Variants in JPH3 observed in about 807,000 individuals in gnomAD.
JPH3 encodes junctophilin-3.
In JPH3, 11 loss-of-function variants were observed where a neutral mutation model predicts 59.6. That is an observed-to-expected ratio of 0.18 (90% confidence interval 0.12 to 0.31). JPH3 has a LOEUF of 0.31. Among genes scored for constraint, JPH3 ranks in the 10% least tolerant of loss-of-function variants. The pLI is 1.00. For missense variants in JPH3, 1,202 were observed against 1,105.7 expected (o/e 1.09, Z -1.24); for synonymous variants, 673 against 483.6 (o/e 1.39, Z -5.14).
chr16:87,663,126 T>TTTTA (rs397787865), intron 2 of JPH3, among the ~76,000 whole-genome samples: 1 of 151,768 alleles, frequency 6.6e-6, no homozygotes, highest in Non-Finnish European at 1.5e-5. Flanking sequence ...TTTTTTTTTT[T>TTTTA]GAGATGGAGT....
chr16:87,617,664 G>C (rs564376495), intron 1 of JPH3, among the ~76,000 whole-genome samples: 12 of 152,276 alleles, frequency 7.9e-5, no homozygotes, highest in Non-Finnish European at 1.6e-4. Context: ...TGGTAGGGCA[G>C]AGGCCAGGAG....
At chr16:87,627,172 C>T (rs1320288508) in intron 1 of JPH3, among the ~76,000 whole-genome samples, 1 of 152,150 alleles carries the variant, frequency 6.6e-6, no homozygotes, top group Non-Finnish European at 1.5e-5. Flanking sequence ...AGCCTCTTTG[C>T]CCTAGAGCCG....
intron 1 of JPH3, among the ~76,000 whole-genome samples, chr16:87,622,474 A>AG (rs916626806): frequency 6.7e-6 from 1 of 148,282 alleles, no homozygotes; most frequent in African/African-American, 2.4e-5. Context: ...TTGGCTGCAG[A>AG]GGGGCGTGCA....
At chr16:87,645,867 G>A (rs369600212) in intron 2 of JPH3, among the ~76,000 whole-genome samples, 33 of 152,332 alleles carry the variant, frequency 2.2e-4, no homozygotes, top group African/African-American at 7.2e-4. Flanking sequence ...GGAAAGCCAC[G>A]GGCCCCACAG....
In JPH3 at chr16:87,670,655, G is replaced by T. The variant is rs1356265518; in HGVS notation, c.1161-13487G>T. Among the ~76,000 whole-genome samples, 3 of 152,386 alleles carry T rather than the reference G, an allele frequency of 2.0e-5. No individual in the cohort carries two copies. The East Asian group carries it at 5.8e-4, about 29-fold the overall frequency. ...CCACACACTGCGGATGGGACGCAGG[G>T]TACCGCACAGCCCCGGTCCTCAGGG... On this transcript the variant is annotated intron_variant, in intron 2 of 4. Transcript: ENST00000284262.
chr16:87,650,201 C>T (rs1021919870), intron 2 of JPH3, among the ~76,000 whole-genome samples: 7 of 152,252 alleles, frequency 4.6e-5, no homozygotes, highest in African/African-American at 1.7e-4. Flanking sequence ...TGGTAATTCT[C>T]ACGGTATTTC....
At position 87,611,737 on chromosome 16, in the gene JPH3, C is replaced by T. The variant is rs964996954; in HGVS notation, c.382+8209C>T. 6.6e-6 allele frequency among the ~76,000 whole-genome samples: 1 copy of T among 152,190 alleles called. No individual in the cohort carries two copies. Among genetic ancestry groups the T allele is most frequent in the Non-Finnish European group, 1.5e-5 (1 of 68,030 alleles). ...CAGATTTCCAGCCCCACCCCTGAGT[C>T]TCTGGGCCTGGGATGCCACCCAAGA... On this transcript the variant is annotated intron_variant, in intron 1 of 4. Coordinates refer to ENST00000284262, the MANE Select transcript of JPH3 (RefSeq NM_020655.4). This position sits in a 1 kb window ranked among gnomAD's most constrained non-coding sequence, Gnocchi z 4.5.
chr16:87,603,002 G>C lies in JPH3; in HGVS notation c.-145G>C. On this transcript the variant is annotated 5_prime_UTR_variant, in exon 1 of 5. Transcript: ENST00000284262. Reference sequence around the variant, plus strand: ...TCCGGAGCCGGCGCCGCGGCCGCCCGCGCCCGAGACCGCGCTCCGGGGCCG... The same window carrying C: ...TCCGGAGCCGGCGCCGCGGCCGCCCCCGCCCGAGACCGCGCTCCGGGGCCG... 24 of 885,776 alleles carry C rather than the reference G, an allele frequency of 2.7e-5. No individual in the cohort carries two copies. Among genetic ancestry groups the C allele is most frequent in the East Asian group, 6.6e-5 (2 of 30,438 alleles). The allele number at this position is 885,776 out of a possible 1,614,324, so 54.9% of individuals were successfully genotyped here.
chr16:87,690,638 G>A, intron 4 of JPH3, 112 bp downstream of exon 4: 3 of 1,183,532 alleles, frequency 2.5e-6, no homozygotes, highest in Non-Finnish European at 3.3e-6. Flanking sequence ...TTCCTCTCCA[G>A]GGGTGGAGTA....
At position 87,603,450 on chromosome 16, in the gene JPH3, G is replaced by A. The variant is rs1262298059; in HGVS notation, c.304G>A (p.Gly102Ser). 1 of 1,565,314 alleles carries A rather than the reference G, an allele frequency of 6.4e-7. No individual in the cohort carries two copies. The highest frequency in any genetic ancestry group is 1.9e-5 in the Admixed American group (1 of 52,176). The change falls in exon 1 of 5, where the codon GGC (glycine) becomes AGC (serine). Residue 102 changes from glycine (G) to serine (S), a missense_variant. Coordinates refer to ENST00000284262, the MANE Select transcript of JPH3 (RefSeq NM_020655.4). ...KGRYGVRECA[G>S]NGAKYEGTWS... ...GCGCTACGGGGTGCGGGAGTGCGCG[G>A]GCAACGGGGCCAAATACGAAGGGAC...
At chr16:87,620,450 GAGAAGGA>G (rs2031133592) in intron 1 of JPH3, among the ~76,000 whole-genome samples, 2 of 135,224 alleles carry the variant, frequency 1.5e-5, no homozygotes, top group Admixed American at 1.5e-4. Flanking sequence ...GAGAGAGAGA[GAGAAGGA>G]GAGAGAGGGA....
rs562752600 is a variant in JPH3 at position 87,626,374 on chromosome 16, C to T, written c.383-17884C>T. On this transcript the variant is annotated intron_variant, in intron 1 of 4. Coordinates refer to ENST00000284262, the MANE Select transcript of JPH3 (RefSeq NM_020655.4). ...GCACACAACTCCCACCCGCCTGCCT[C>T]TCTCCGACCGCGAGTCCTCCAGGAG... 5.9e-5 allele frequency among the ~76,000 whole-genome samples: 9 copies of T among 152,334 alleles called. No individual in the cohort carries two copies. In the East Asian group the frequency reaches 1.5e-3, roughly 26 times the overall value.
Position 87,689,773 on chromosome 16 carries a change from C to A in JPH3, c.1413C>A (p.Thr471=). The A allele has an allele frequency of 1.2e-6, 2 of 1,610,210 alleles. No homozygotes were observed. The highest frequency in any genetic ancestry group is 1.1e-5 in the South Asian group (1 of 90,882). ...AGGGCACCACTCCCTCCGACCTGAC[C>A]CCCGACGACAGCCCCCTGCAGAGCT... ...YRKGTTPSDL[T]PDDSPLQSFP... The change falls in exon 4 of 5, where the codon ACC becomes ACA. Residue 471 remains threonine, a synonymous_variant. Transcript: ENST00000284262.
intron 4 of JPH3, chr16:87,694,156 G>A (rs1239708454): frequency 1.3e-5 from 2 of 152,328 alleles, no homozygotes; most frequent in Admixed American, 6.5e-5. Context: ...AACTGGACCA[G>A]GAGGAGGAGG....
chr16:87,658,717 A>C (rs1421081743), intron 2 of JPH3, among the ~76,000 whole-genome samples: 1 of 152,192 alleles, frequency 6.6e-6, no homozygotes, highest in Non-Finnish European at 1.5e-5. Flanking sequence ...ACCCCCCTGC[A>C]GTGGGTGGTC....
chr16:87,610,547 T>C (rs1488420805), intron 1 of JPH3, among the ~76,000 whole-genome samples: 1 of 152,140 alleles, frequency 6.6e-6, no homozygotes, highest in East Asian at 1.9e-4. Context: ...ATTTGGTAAT[T>C]TTGTTTACCG....
intron 1 of JPH3, among the ~76,000 whole-genome samples, chr16:87,622,922 C>T (rs1344234782): frequency 6.6e-6 from 1 of 152,120 alleles, no homozygotes; most frequent in Non-Finnish European, 1.5e-5. Flanking sequence ...GCCCTGGGGT[C>T]CCAGGGTCTC....
chr16:87,645,095 G>T, intron 2 of JPH3, 60 bp downstream of exon 2: 2 of 1,518,196 alleles, frequency 1.3e-6, no homozygotes, highest in Non-Finnish European at 1.8e-6. Flanking sequence ...TGTGAGCCCA[G>T]TCTGTTCAGT....
intron 2 of JPH3, among the ~76,000 whole-genome samples, chr16:87,668,929 C>T (rs963821169): frequency 3.9e-5 from 6 of 152,156 alleles, no homozygotes; most frequent in African/African-American, 7.2e-5. Flanking sequence ...TCCTCTCCCT[C>T]GCCTCCACGT....
Sources: gnomAD v4.1 joint callset for allele counts (sites outside exome capture counted in the v4.1 genomes callset) on GRCh38, gnomAD v4.1.1 for gene constraint, Gnocchi (gnomAD v3.1) non-coding constraint, MANE v1.5 for transcripts, NCBI Gene and HGNC (gene_info 2026-07-23, HGNC 2026-07-21) for gene names.